AKAP3: variants seen among roughly 807,000 people sequenced by gnomAD.
AKAP3 encodes the protein A-kinase anchoring protein 3, also known as A-kinase anchor protein 3.
In AKAP3, 27 loss-of-function variants were observed where a neutral mutation model predicts 57.2. The ratio of observed to expected loss-of-function variants is 0.47; its 90% CI spans 0.35 to 0.65. The LOEUF (loss-of-function observed/expected upper bound fraction) is 0.65. AKAP3 is among the 30% of genes least tolerant of loss of function. The probability of loss-of-function intolerance (pLI) is 0.01; values close to 1 mark genes in which losing one functional copy is unlikely to be tolerated. For missense variants in AKAP3, 959 were observed against 1,040.0 expected (o/e 0.92, Z 1.07); for synonymous variants, 334 against 392.3 (o/e 0.85, Z 1.76).
At chr12:4,618,864 C>T (rs1336654388) in intron 5 of AKAP3, among the ~76,000 whole-genome samples, 1 of 152,094 alleles carries the variant, frequency 6.6e-6, no homozygotes, top group East Asian at 1.9e-4. Context: ...CAAAAGACTC[C>T]ATTAAATAAA....
chr12:4,635,361 C>T, intron 4 of AKAP3: 3 of 598,702 alleles, frequency 5.0e-6, no homozygotes, highest in South Asian at 3.6e-5. Flanking sequence ...ACAACACTGA[C>T]TCCTGTTTGG....
chr12:4,642,435 G>C (rs1386761326), intron 2 of AKAP3, among the ~76,000 whole-genome samples: 3 of 152,176 alleles, frequency 2.0e-5, no homozygotes. Flanking sequence ...ACACCCTCAA[G>C]TTATAAAGGG....
chr12:4,639,465 T>C (rs1389630249), intron 3 of AKAP3, among the ~76,000 whole-genome samples: 1 of 152,174 alleles, frequency 6.6e-6, no homozygotes, highest in Non-Finnish European at 1.5e-5. Context: ...CTAGGGCACA[T>C]GTGCACAACG....
intron 4 of AKAP3, among the ~76,000 whole-genome samples, chr12:4,633,245 G>A (rs368380225): frequency 2.6e-5 from 4 of 151,492 alleles, no homozygotes; most frequent in East Asian, 1.9e-4. Context: ...GCAACATGGC[G>A]AAAATCCATC....
chr12:4,622,103 C>T (rs758697014), intron 5 of AKAP3, among the ~76,000 whole-genome samples: 70 of 152,094 alleles, frequency 4.6e-4, no homozygotes, highest in Admixed American at 9.2e-4. Flanking sequence ...ATGAGAATTA[C>T]AAAACACTGC....
intron 5 of AKAP3, among the ~76,000 whole-genome samples, chr12:4,618,473 T>C (rs1331398771): frequency 1.3e-5 from 2 of 152,182 alleles, no homozygotes; most frequent in African/African-American, 4.8e-5. Flanking sequence ...TCAAAGTAGA[T>C]CATAGACCTA....
chr12:4,645,616 G>A (rs957714089), intron 1 of AKAP3: 2 of 152,058 alleles, frequency 1.3e-5, no homozygotes, highest in African/African-American at 4.8e-5. Context: ...TTCTCATAAG[G>A]AGTGCACAAC....
chr12:4,619,775 T>G (rs1366136714), intron 5 of AKAP3, among the ~76,000 whole-genome samples: 1 of 152,202 alleles, frequency 6.6e-6, no homozygotes. Flanking sequence ...ATCTATTATC[T>G]GATAGATGGA....
In AKAP3 at chr12:4,648,765, A is replaced by G. The variant is rs1945731599; in HGVS notation, c.-265T>C. On this transcript the variant is annotated 5_prime_UTR_variant, in exon 1 of 6. An upstream open reading frame in the 5' UTR loses its in-frame stop. Transcript: ENST00000228850. ...CTCACCAGGGCTGCCAGCTTAGCTT[A>G]CATTTTCAGGGAACAGGAAACTGAG... is the stretch of plus-strand genomic sequence containing the variant. 9.0e-6 allele frequency: 2 copies of G among 221,592 alleles called. No homozygotes were observed. Among genetic ancestry groups the G allele is most frequent in the Non-Finnish European group, 1.8e-5 (2 of 112,308 alleles). 13.7% of individuals were successfully genotyped at this position (221,592 alleles called of 1,614,324 possible). A position where few individuals can be genotyped will look rare whatever the true frequency, so the allele number is the denominator to read the frequency against.
At chr12:4,642,302 C>T (rs1467411332) in intron 2 of AKAP3, among the ~76,000 whole-genome samples, 1 of 152,060 alleles carries the variant, frequency 6.6e-6, no homozygotes, top group East Asian at 1.9e-4. Flanking sequence ...AAATTTTTAG[C>T]TTAATTTTAA....
At chr12:4,623,940 T>G (rs1945376854) in intron 5 of AKAP3, among the ~76,000 whole-genome samples, 1 of 152,132 alleles carries the variant, frequency 6.6e-6, no homozygotes, top group Admixed American at 6.6e-5. Flanking sequence ...CTTACACTGT[T>G]TTAATAGGTG....
chr12:4,632,734 G>A (rs1447285848), intron 4 of AKAP3, among the ~76,000 whole-genome samples: 1 of 152,074 alleles, frequency 6.6e-6, no homozygotes, highest in Non-Finnish European at 1.5e-5. Context: ...TCTGCCTCCC[G>A]AGTTCATGAC....
intron 3 of AKAP3, among the ~76,000 whole-genome samples, chr12:4,639,648 T>G (rs903534519): frequency 7.7e-5 from 11 of 141,988 alleles, no homozygotes; most frequent in Non-Finnish European, 1.5e-4. Context: ...CATTGTTCAA[T>G]TCCCACCTAT....
intron 5 of AKAP3, among the ~76,000 whole-genome samples, chr12:4,617,942 A>T (rs1451917809): frequency 6.6e-6 from 1 of 152,184 alleles, no homozygotes; most frequent in Non-Finnish European, 1.5e-5. Context: ...GATTCTGAGA[A>T]GTTGGTATGT....
rs1452821778 is a variant in AKAP3 at position 4,625,944 on chromosome 12, C to T, written c.2406+552G>A. Among the ~76,000 whole-genome samples, 1 of 152,078 alleles carries T rather than the reference C, an allele frequency of 6.6e-6. No individual in the cohort carries two copies. Among genetic ancestry groups the T allele is most frequent in the Non-Finnish European group, 1.5e-5 (1 of 68,016 alleles). ...GTAATAACAGTGATAAGTTGATTTC[C>T]CATCTACCTTATGCTTTAGTCTTAC... is the stretch of plus-strand genomic sequence containing the variant. On this transcript the variant is annotated intron_variant, in intron 5 of 5. Coordinates refer to ENST00000228850, the MANE Select transcript of AKAP3 (RefSeq NM_001278309.2). This position sits in a 1 kb window ranked among gnomAD's most constrained non-coding sequence, Gnocchi z 5.4.
rs1251017077 is a variant in AKAP3, at chr12:4,635,885, C to A, written c.96+2216G>T. On this transcript the variant is annotated intron_variant, in intron 4 of 5. Transcript: ENST00000228850. ...CGTCTATTTTCTGGCTAAGAACCAC[C>A]ACTCTTAGATCTCTCCATTTTTTCT... 7 of 682,266 alleles carry A rather than the reference C, an allele frequency of 1.0e-5. No homozygotes were observed. The East Asian group carries it at 1.6e-4, about 16-fold the overall frequency. 42.3% of individuals were successfully genotyped at this position (682,266 alleles called of 1,614,324 possible). A position where few individuals can be genotyped will look rare whatever the true frequency, so the allele number is the denominator to read the frequency against.
chr12:4,635,076 C>T (rs547953266), intron 4 of AKAP3, among the ~76,000 whole-genome samples: 12 of 152,094 alleles, frequency 7.9e-5, no homozygotes, highest in African/African-American at 1.7e-4. Flanking sequence ...ATATTGCTAG[C>T]GATGAGAAAT....
intron 4 of AKAP3, chr12:4,635,796 C>T: frequency 1.4e-6 from 1 of 698,276 alleles, no homozygotes; most frequent in Non-Finnish European, 2.6e-6. Flanking sequence ...GTAGTGTCAT[C>T]AAGACACACA....
chr12:4,631,428 A>G (rs1945496630), intron 4 of AKAP3: 2 of 683,056 alleles, frequency 2.9e-6, no homozygotes, highest in Admixed American at 4.3e-5. Flanking sequence ...AGTGGGGCTG[A>G]AAGTTTAGAA....
Sources: gnomAD v4.1 joint callset for allele counts (sites outside exome capture counted in the v4.1 genomes callset) on GRCh38, gnomAD v4.1.1 for gene constraint, Gnocchi (gnomAD v3.1) non-coding constraint, MANE v1.5 for transcripts, NCBI Gene and HGNC (gene_info 2026-07-23, HGNC 2026-07-21) for gene names.